The following TRDMT1 variants were observed in gnomAD, a reference collection of about 807,000 sequenced individuals.
TRDMT1 encodes the protein tRNA aspartic acid methyltransferase 1.
In TRDMT1, 49 loss-of-function variants were observed where a neutral mutation model predicts 51.2. The ratio of observed to expected loss-of-function variants is 0.96; its 90% CI spans 0.76 to 1.21. The LOEUF (loss-of-function observed/expected upper bound fraction) is 1.21. Ranked by LOEUF, TRDMT1 falls within the 50% of genes most tolerant of loss-of-function variation. The probability of loss-of-function intolerance (pLI) is 0.00; values close to 1 mark genes in which losing one functional copy is unlikely to be tolerated. For missense variants in TRDMT1, 534 were observed against 462.3 expected (o/e 1.16, Z -1.42); for synonymous variants, 187 against 164.6 (o/e 1.14, Z -1.04).
At chr10:17,154,126 G>A (rs1248899128) in intron 9 of TRDMT1, among the ~76,000 whole-genome samples, 1 of 151,992 alleles carries the variant, frequency 6.6e-6, no homozygotes, top group Non-Finnish European at 1.5e-5. Flanking sequence ...TTTTTACCAT[G>A]GGTAAATTTT....
rs183753003 is a variant in TRDMT1, at chr10:17,145,947, T to G, written c.*3093A>C. ...TCAGAAGTCTCCAGCTTAATCACTC[T>G]AGACCTCAACTAGGTTGAGATGGGA... On this transcript the variant is annotated 3_prime_UTR_variant, in exon 11 of 11. Coordinates refer to ENST00000377799, the MANE Select transcript of TRDMT1 (RefSeq NM_004412.7). 5.9e-5 allele frequency: 58 copies of G among 985,436 alleles called. No homozygotes were observed. The East Asian group carries it at 5.9e-3, about 100-fold the overall frequency. 61.0% of individuals were successfully genotyped at this position (985,436 alleles called of 1,614,324 possible). A position where few individuals can be genotyped will look rare whatever the true frequency, so the allele number is the denominator to read the frequency against.
In TRDMT1 at chr10:17,147,058, G is replaced by T. The variant is rs1327256023; in HGVS notation, c.*1982C>A. ...CAGACCTTTCAAGTATTTATAGTTGGTGCACAGTAACTCGACACTTATTTT... is the reference window on the plus strand; with the variant it reads ...CAGACCTTTCAAGTATTTATAGTTGTTGCACAGTAACTCGACACTTATTTT... On this transcript the variant is annotated 3_prime_UTR_variant, in exon 11 of 11. Coordinates refer to ENST00000377799, the MANE Select transcript of TRDMT1 (RefSeq NM_004412.7). The T allele has an allele frequency of 2.0e-6, 2 of 985,496 alleles. No homozygotes were observed. Among genetic ancestry groups the T allele is most frequent in the African/African-American group, 3.5e-5 (2 of 57,230 alleles). 61.0% of individuals were successfully genotyped at this position (985,496 alleles called of 1,614,324 possible). A position where few individuals can be genotyped will look rare whatever the true frequency, so the allele number is the denominator to read the frequency against.
At position 17,139,416 on chromosome 10, in the gene TRDMT1, C is replaced by G. The variant is rs1280019845; in HGVS notation, c.*9624G>C. Among the ~76,000 whole-genome samples, 1 of 151,916 alleles carries G rather than the reference C, an allele frequency of 6.6e-6. No individual in the cohort carries two copies. The highest frequency in any genetic ancestry group is 2.4e-5 in the African/African-American group (1 of 41,340). ...ATCTTAGGAAAAGGGGAAAGTACAT[C>G]TTTGTGATGATATTTTGTGTTCTAT... On this transcript the variant is annotated 3_prime_UTR_variant, in exon 11 of 11. Transcript: ENST00000377799.
intron 7 of TRDMT1, among the ~76,000 whole-genome samples, chr10:17,158,376 C>T (rs1839853915): frequency 6.6e-6 from 1 of 152,024 alleles, no homozygotes; most frequent in African/African-American, 2.4e-5. Context: ...TCCTTGAAGT[C>T]AATGTATAAA....
At chr10:17,179,413 T>A (rs2131547534) in intron 1 of TRDMT1, among the ~76,000 whole-genome samples, 1 of 152,166 alleles carries the variant, frequency 6.6e-6, no homozygotes, top group South Asian at 2.1e-4. Flanking sequence ...CATAAACTGG[T>A]CTCTAAAAAG....
rs978788998 is a variant in TRDMT1, at chr10:17,144,651, T to A, written c.*4389A>T. On this transcript the variant is annotated 3_prime_UTR_variant, in exon 11 of 11. Coordinates refer to ENST00000377799, the MANE Select transcript of TRDMT1 (RefSeq NM_004412.7). ...TACATGCTCATATTTCTTGAACAAATATATTTAAAAAGAAATAAATTCACA... is the reference window on the plus strand; with the variant it reads ...TACATGCTCATATTTCTTGAACAAAAATATTTAAAAAGAAATAAATTCACA... The A allele has an allele frequency of 1.3e-4, 124 of 985,134 alleles. No individual in the cohort carries two copies. The highest frequency in any genetic ancestry group is 7.4e-4 in the Admixed American group (12 of 16,256). 61.0% of individuals were successfully genotyped at this position (985,134 alleles called of 1,614,324 possible). A position where few individuals can be genotyped will look rare whatever the true frequency, so the allele number is the denominator to read the frequency against.
At chr10:17,188,025 T>G (rs1844173906) in intron 1 of TRDMT1, among the ~76,000 whole-genome samples, 1 of 149,666 alleles carries the variant, frequency 6.7e-6, no homozygotes, top group Admixed American at 6.7e-5. Flanking sequence ...TACATTAAAA[T>G]TAAGTTCTAC....
rs1842437017 is a variant in TRDMT1, at chr10:17,174,780, A to T, written c.65-120T>A. The T allele has an allele frequency of 6.3e-6, 5 of 789,946 alleles. No homozygotes were observed. The South Asian group carries it at 8.1e-5, about 13-fold the overall frequency. The allele number at this position is 789,946 out of a possible 1,614,324, so 48.9% of individuals were successfully genotyped here. A position where few individuals can be genotyped will look rare whatever the true frequency, so the allele number is the denominator to read the frequency against. On this transcript the variant is annotated intron_variant, in intron 1 of 10. Coordinates refer to ENST00000377799, the MANE Select transcript of TRDMT1 (RefSeq NM_004412.7). ...TTTCTTCATTTATTAGCCTCATCTC[A>T]GACTGTCAGTGGAAGGTCAGGCCAG...
At chr10:17,160,565 A>G (rs1446107084) in intron 5 of TRDMT1, among the ~76,000 whole-genome samples, 191 bp from the exon 6 acceptor site, 3 of 151,908 alleles carry the variant, frequency 2.0e-5, no homozygotes, top group Non-Finnish European at 4.4e-5. Context: ...TCCGCCTCCC[A>G]GGTTCAAGCA....
chr10:17,158,137 T>C (rs1216949402), intron 7 of TRDMT1, among the ~76,000 whole-genome samples: 3 of 152,114 alleles, frequency 2.0e-5, no homozygotes, highest in African/African-American at 7.2e-5. Flanking sequence ...CCAGAAAACA[T>C]GTTTTGAATC....
At chr10:17,160,401 T>C (rs1394958903) in intron 5 of TRDMT1, 27 bp from the exon 6 acceptor site, 4 of 1,388,238 alleles carry the variant, frequency 2.9e-6, no homozygotes, top group South Asian at 1.4e-5. Flanking sequence ...AAAACTTTAA[T>C]TCTTACTTGG....
chr10:17,160,619 C>CA (rs1840211400), intron 5 of TRDMT1, among the ~76,000 whole-genome samples: 1 of 151,978 alleles, frequency 6.6e-6, no homozygotes, highest in South Asian at 2.1e-4. Context: ...TACAGGCACC[C>CA]ACCACCACGC....
chr10:17,166,963 G>C (rs1841305564), intron 3 of TRDMT1, among the ~76,000 whole-genome samples: 1 of 152,168 alleles, frequency 6.6e-6, no homozygotes, highest in African/African-American at 2.4e-5. Flanking sequence ...TCTACCTCCA[G>C]ACACAGTTCA....
In TRDMT1 at chr10:17,146,478, T is replaced by C. The variant is rs554790768; in HGVS notation, c.*2562A>G. The C allele has an allele frequency of 2.7e-5, 27 of 985,396 alleles. No individual in the cohort carries two copies. In the East Asian group the frequency reaches 2.9e-3, roughly 108 times the overall value. The allele number at this position is 985,396 out of a possible 1,614,324, so 61.0% of individuals were successfully genotyped here. A position where few individuals can be genotyped will look rare whatever the true frequency, so the allele number is the denominator to read the frequency against. ...CCTCTTCGAAATCATTTTCCAACTA[T>C]GACTCATTTTGTTTACATTAATTGA... On this transcript the variant is annotated 3_prime_UTR_variant, in exon 11 of 11. Transcript: ENST00000377799.
At chr10:17,164,928 A>T (rs1034837011) in intron 3 of TRDMT1, among the ~76,000 whole-genome samples, 9 of 152,230 alleles carry the variant, frequency 5.9e-5, no homozygotes, top group Non-Finnish European at 1.0e-4. Flanking sequence ...CAATATTGTG[A>T]AAATGGCCAC....
At chr10:17,193,563 C>T (rs1451824662) in intron 1 of TRDMT1, among the ~76,000 whole-genome samples, 1 of 151,858 alleles carries the variant, frequency 6.6e-6, no homozygotes, top group South Asian at 2.1e-4. Flanking sequence ...ATAACAGCCA[C>T]AAAAAACATA....
In TRDMT1 at chr10:17,161,076, G is replaced by C. The variant is rs553080518; in HGVS notation, c.389+407C>G. Among the ~76,000 whole-genome samples the C allele has an allele frequency of 3.3e-5, 5 of 152,204 alleles. No individual in the cohort carries two copies. The East Asian group carries it at 9.7e-4, about 29-fold the overall frequency. On this transcript the variant is annotated intron_variant, in intron 5 of 10. Transcript: ENST00000377799. Reference sequence around the variant, plus strand: ...TCGGGTGGATGCTTTCTCTCCAGCTGAGCCACCATCTGAAAGAACCCCGAC... The same window carrying C: ...TCGGGTGGATGCTTTCTCTCCAGCTCAGCCACCATCTGAAAGAACCCCGAC...
intron 9 of TRDMT1, among the ~76,000 whole-genome samples, chr10:17,153,913 A>C (rs955531638): frequency 6.6e-6 from 1 of 152,248 alleles, no homozygotes; most frequent in Admixed American, 6.5e-5. Flanking sequence ...AGTATAAACA[A>C]TAAATGACAA....
rs1220953025 is a variant in TRDMT1 at position 17,137,740 on chromosome 10, A to C, written c.*11300T>G. Among the ~76,000 whole-genome samples, 1 of 151,914 alleles carries C rather than the reference A, an allele frequency of 6.6e-6. No individual in the cohort carries two copies. On this transcript the variant is annotated 3_prime_UTR_variant, in exon 11 of 11. Coordinates refer to ENST00000377799, the MANE Select transcript of TRDMT1 (RefSeq NM_004412.7). ...GCTACTCAGGAGGCGAGGCTGAGGC[A>C]GGAGAATCGCTTGAACCCAGGAGGT...
Sources: gnomAD v4.1 joint callset for allele counts (sites outside exome capture counted in the v4.1 genomes callset) on GRCh38, gnomAD v4.1.1 for gene constraint, MANE v1.5 for transcripts, NCBI Gene and HGNC (gene_info 2026-07-23, HGNC 2026-07-21) for gene names.